SUFU: variants seen among roughly 807,000 people sequenced by gnomAD.
The protein encoded by SUFU is SUFU negative regulator of hedgehog signaling.
Under a neutral mutation model 58.9 loss-of-function variants are expected in SUFU, and 7 were observed. That is an observed-to-expected ratio of 0.12 (90% CI 0.07 to 0.22). The LOEUF is 0.22. Ranked by LOEUF, SUFU falls within the 10% of genes least tolerant of loss-of-function variation. SUFU has a pLI of 1.00. For synonymous variants in SUFU, 232 were observed against 254.8 expected, an observed-to-expected ratio of 0.91 and a Z score of 0.85; for missense variants, 451 against 641.3, an observed-to-expected ratio of 0.70 and a Z score of 3.20.
intron 3 of SUFU, among the ~76,000 whole-genome samples, chr10:102,559,230 C>T (rs1032567868): frequency 2.6e-5 from 4 of 152,210 alleles, no homozygotes; most frequent in Admixed American, 1.3e-4. Context: ...CTTTGCATCT[C>T]ATTGGCTAGA....
At chr10:102,572,395 T>TC (rs1358048771) in intron 3 of SUFU, among the ~76,000 whole-genome samples, 6 of 147,418 alleles carry the variant, frequency 4.1e-5, no homozygotes, top group Admixed American at 2.0e-4. Context: ...TTTCTTTCTT[T>TC]TTTTTTTTTT....
chr10:102,548,741 C>T (rs2062879320), intron 2 of SUFU, among the ~76,000 whole-genome samples: 1 of 152,178 alleles, frequency 6.6e-6, no homozygotes, highest in Non-Finnish European at 1.5e-5. Flanking sequence ...CTCTCTGATC[C>T]ACATCACTGC....
intron 2 of SUFU, among the ~76,000 whole-genome samples, chr10:102,520,979 G>A (rs932812187): frequency 2.0e-5 from 3 of 152,130 alleles, no homozygotes; most frequent in Non-Finnish European, 4.4e-5. Flanking sequence ...ACTCATCTGG[G>A]TAAATCCCTA....
intron 3 of SUFU, among the ~76,000 whole-genome samples, 194 bp downstream of exon 3, chr10:102,550,300 G>C (rs994817764): frequency 1.3e-5 from 2 of 152,134 alleles, no homozygotes; most frequent in Admixed American, 1.3e-4. Flanking sequence ...GGCAGAGAGG[G>C]GTACTCCCCT....
chr10:102,505,375 G>A (rs1382988655), intron 1 of SUFU, among the ~76,000 whole-genome samples: 1 of 152,212 alleles, frequency 6.6e-6, no homozygotes, highest in African/African-American at 2.4e-5. Flanking sequence ...CAAAAACTGA[G>A]ATATTGGTTG....
chr10:102,504,010 C>G lies in SUFU; in HGVS notation c.-143C>G. On this transcript the variant is annotated 5_prime_UTR_variant, in exon 1 of 12. Transcript: ENST00000369902. Reference sequence around the variant, plus strand: ...GCGACAGCCTGGGCGGACAGTGCGCCGTGCGCAGGCGCGGAGCTAGACCTC... The same window carrying G: ...GCGACAGCCTGGGCGGACAGTGCGCGGTGCGCAGGCGCGGAGCTAGACCTC... 1 of 1,178,958 alleles carries G rather than the reference C, an allele frequency of 8.5e-7. No homozygotes were observed. The highest frequency in any genetic ancestry group is 1.8e-5 in the South Asian group (1 of 54,972). 73.0% of individuals were successfully genotyped at this position (1,178,958 alleles called of 1,614,324 possible). A position where few individuals can be genotyped will look rare whatever the true frequency, so the allele number is the denominator to read the frequency against.
chr10:102,535,762 G>A (rs1218480036), intron 2 of SUFU, among the ~76,000 whole-genome samples: 1 of 152,106 alleles, frequency 6.6e-6, no homozygotes, highest in Non-Finnish European at 1.5e-5. Context: ...AAGCATCCAG[G>A]CCACCCCCAG....
In SUFU at chr10:102,617,286, C is replaced by A. The variant is rs768603330; in HGVS notation, c.1158-4C>A. ...CCTCACTGTCTCCATGTTCCCATCT[C>A]CAGGGGCAGGCTCCTGCATGGACGG... On this transcript the variant is annotated splice_polypyrimidine_tract_variant and splice_region_variant and intron_variant, in intron 9 of 11. Coordinates refer to ENST00000369902, the MANE Select transcript of SUFU (RefSeq NM_016169.4). This position sits in a 1 kb window ranked among gnomAD's most constrained non-coding sequence, Gnocchi z 4.4. 6.2e-7 allele frequency: 1 copy of A among 1,614,220 alleles called. No individual in the cohort carries two copies. Among genetic ancestry groups the A allele is most frequent in the Non-Finnish European group, 8.5e-7 (1 of 1,180,042 alleles).
chr10:102,555,269 C>CAAA (rs57658645), intron 3 of SUFU, among the ~76,000 whole-genome samples: 17 of 78,082 alleles, frequency 2.2e-4, no homozygotes, highest in East Asian at 4.3e-4. Flanking sequence ...CTCCGTCTCA[C>CAAA]AAAAAAAAAA....
chr10:102,518,295 G>T (rs1176809397), intron 2 of SUFU, among the ~76,000 whole-genome samples: 1 of 152,120 alleles, frequency 6.6e-6, no homozygotes, highest in Non-Finnish European at 1.5e-5. Context: ...TGCTGGAACT[G>T]GGATATAAAC....
At chr10:102,611,288 T>A (rs560855150) in intron 8 of SUFU, among the ~76,000 whole-genome samples, 1 of 152,326 alleles carries the variant, frequency 6.6e-6, no homozygotes, top group East Asian at 1.9e-4. Context: ...TCTGGGCAAC[T>A]TGAAGAACAG....
At chr10:102,515,091 G>A (rs2062450436) in intron 2 of SUFU, among the ~76,000 whole-genome samples, 2 of 152,204 alleles carry the variant, frequency 1.3e-5, no homozygotes, top group South Asian at 4.1e-4. Flanking sequence ...ACCCCCCGTG[G>A]GGTCTGGAAC....
chr10:102,596,776 G>A (rs568436143), intron 6 of SUFU, among the ~76,000 whole-genome samples: 2 of 152,340 alleles, frequency 1.3e-5, no homozygotes, highest in African/African-American at 4.8e-5. Flanking sequence ...CAGAGAAGTA[G>A]GCTCTCTCAT....
chr10:102,623,889 A>C (rs888853720), intron 10 of SUFU, among the ~76,000 whole-genome samples: 3 of 152,126 alleles, frequency 2.0e-5, no homozygotes, highest in Non-Finnish European at 4.4e-5. Context: ...GCAATGAGCC[A>C]AGATTGTACC....
intron 2 of SUFU, among the ~76,000 whole-genome samples, chr10:102,529,943 C>CA (rs55915114): frequency 0.37 from 50,022 of 134,148 alleles, 8,712 homozygotes; most frequent in African/African-American, 0.42. Flanking sequence ...GACTCCGTCT[C>CA]AAAAAAAAAA....
At chr10:102,587,837 C>G (rs958578680) in intron 3 of SUFU, among the ~76,000 whole-genome samples, 1 of 152,142 alleles carries the variant, frequency 6.6e-6, no homozygotes, top group African/African-American at 2.4e-5. Context: ...TTTACCTATC[C>G]TTTGTTACTT....
Position 102,599,582 on chromosome 10 carries a change from C to T in SUFU, c.1022+38C>T, listed in dbSNP as rs566243207. On this transcript the variant is annotated intron_variant, in intron 8 of 11. Transcript: ENST00000369902. ...GTGTCCCTGGGCTGGAACAAGAGGA[C>T]GACTTTTTTCTGAAGGGCCTGTCCC... 68 of 1,560,112 alleles carry T rather than the reference C, an allele frequency of 4.4e-5. No individual in the cohort carries two copies. The highest frequency in any genetic ancestry group is 1.2e-4 in the African/African-American group (9 of 73,946).
intron 3 of SUFU, among the ~76,000 whole-genome samples, chr10:102,571,705 A>G (rs1439188285): frequency 3.3e-5 from 5 of 152,168 alleles, no homozygotes; most frequent in African/African-American, 1.2e-4. Flanking sequence ...ACAAAACAAC[A>G]ACAAAAAATT....
intron 3 of SUFU, among the ~76,000 whole-genome samples, chr10:102,555,069 C>T (rs1409375984): frequency 6.6e-6 from 1 of 152,024 alleles, no homozygotes; most frequent in Non-Finnish European, 1.5e-5. Flanking sequence ...GAGATCAAGA[C>T]CATCCTGGCT....
Sources: allele counts gnomAD v4.1 joint callset (sites outside exome capture counted in the v4.1 genomes callset), GRCh38; gene constraint gnomAD v4.1.1; non-coding constraint Gnocchi (gnomAD v3.1); transcripts MANE v1.5; gene names NCBI Gene and HGNC (gene_info 2026-07-23, HGNC 2026-07-21).